The following IGFL2 variants were observed in gnomAD, a reference collection of about 807,000 sequenced individuals.
IGFL2 encodes insulin growth factor-like family member 2.
A neutral mutation model predicts 13.9 loss-of-function variants in IGFL2; 7 were observed. The observed-to-expected ratio is 0.51, with a 90% confidence interval of 0.29 to 0.95. The LOEUF is 0.95. Ranked by LOEUF, IGFL2 falls within the 40% of genes least tolerant of loss-of-function variation. IGFL2 has a pLI of 0.08. For missense variants in IGFL2, 138 were observed against 147.8 expected (o/e 0.93, Z 0.34); for synonymous variants, 55 against 55.8 (o/e 0.99, Z 0.07).
At chr19:46,200,506 T>TTTCTC in the IGFL2 span, among the ~76,000 whole-genome samples, 1 of 147,360 alleles carries the variant, frequency 6.8e-6, no homozygotes, top group Non-Finnish European at 1.5e-5. Context: ...TTTCTTTTCT[T>TTTCTC]TTCTCTTTTC....
chr19:46,124,069 T>C, the IGFL2 span: 1 of 1,611,566 alleles, frequency 6.2e-7, no homozygotes, highest in Non-Finnish European at 8.5e-7. Context: ...GGCATCATCA[T>C]AACAGCACTG....
chr19:46,117,628 G>A, the IGFL2 span, among the ~76,000 whole-genome samples: 2 of 152,088 alleles, frequency 1.3e-5, no homozygotes, highest in African/African-American at 4.8e-5. Context: ...ACATGCATGT[G>A]CCATCAAGCC....
At chr19:46,095,277 C>G in the IGFL2 span, among the ~76,000 whole-genome samples, 4 of 152,156 alleles carry the variant, frequency 2.6e-5, no homozygotes, top group Non-Finnish European at 5.9e-5. Context: ...CTCTAATGAT[C>G]AGTGATGTTG....
chr19:46,197,565 G>C, the IGFL2 span, among the ~76,000 whole-genome samples: 1 of 152,096 alleles, frequency 6.6e-6, no homozygotes, highest in African/African-American at 2.4e-5. Flanking sequence ...TCTGTCTTCA[G>C]TGTCAGCTCA....
the IGFL2 span, among the ~76,000 whole-genome samples, chr19:46,173,081 G>A: frequency 2.6e-5 from 4 of 152,348 alleles, no homozygotes; most frequent in South Asian, 6.2e-4. Flanking sequence ...TCTTTGGGTT[G>A]TAAAATGAAT....
At chr19:46,123,348 C>G in the IGFL2 span, among the ~76,000 whole-genome samples, 6 of 150,658 alleles carry the variant, frequency 4.0e-5, no homozygotes, top group Non-Finnish European at 7.4e-5. Context: ...CTGACATTAA[C>G]TAATAAAAAT....
At chr19:46,125,398 G>T in the IGFL2 span, among the ~76,000 whole-genome samples, 1 of 152,204 alleles carries the variant, frequency 6.6e-6, no homozygotes, top group Non-Finnish European at 1.5e-5. Flanking sequence ...ACTTAGGAGT[G>T]TGTAGTACTT....
the IGFL2 span, among the ~76,000 whole-genome samples, chr19:46,186,950 C>T: frequency 1.2e-4 from 18 of 152,142 alleles, no homozygotes; most frequent in African/African-American, 3.6e-4. Flanking sequence ...TCAGATCACA[C>T]GATTATAAAA....
chr19:46,173,172 G>A, the IGFL2 span, among the ~76,000 whole-genome samples: 1 of 152,142 alleles, frequency 6.6e-6, no homozygotes, highest in African/African-American at 2.4e-5. Context: ...GCTTATTTTT[G>A]AATGGGGTGG....
At chr19:46,201,631 C>T in the IGFL2 span, among the ~76,000 whole-genome samples, 1 of 152,140 alleles carries the variant, frequency 6.6e-6, no homozygotes, top group African/African-American at 2.4e-5. Flanking sequence ...GTGTCCTCTG[C>T]AGCACGTCGG....
the IGFL2 span, among the ~76,000 whole-genome samples, chr19:46,091,341 A>G: frequency 6.6e-6 from 1 of 152,242 alleles, no homozygotes; most frequent in South Asian, 2.1e-4. Flanking sequence ...AAGTGGGGAT[A>G]TTTATGAAAG....
chr19:46,115,933 C>T, the IGFL2 span, among the ~76,000 whole-genome samples: 1 of 152,288 alleles, frequency 6.6e-6, no homozygotes, highest in Admixed American at 6.5e-5. Flanking sequence ...GGCTCGCCGG[C>T]TGACAGCTTC....
chr19:46,157,674 A>T (rs944570833), intron 1 of IGFL2, among the ~76,000 whole-genome samples: 1 of 152,208 alleles, frequency 6.6e-6, no homozygotes, highest in Non-Finnish European at 1.5e-5. Context: ...CAACTAATAT[A>T]ATAAGTAATG....
chr19:46,198,127 T>A, the IGFL2 span: 1 of 150,048 alleles, frequency 6.7e-6, no homozygotes, highest in Non-Finnish European at 1.5e-5. Context: ...TTCTTTTTTG[T>A]TTTTCAGGGT....
chr19:46,108,986 G>A, the IGFL2 span, among the ~76,000 whole-genome samples: 10 of 152,226 alleles, frequency 6.6e-5, no homozygotes, highest in African/African-American at 2.4e-4. Context: ...TTGGTCTGAG[G>A]ACCCAAGATG....
chr19:46,115,826 C>T, the IGFL2 span, among the ~76,000 whole-genome samples: 1 of 152,086 alleles, frequency 6.6e-6, no homozygotes, highest in Non-Finnish European at 1.5e-5. Flanking sequence ...CAGCAAAAAG[C>T]GTTGGAATTT....
chr19:46,154,833 A>G (rs1325038456), intron 1 of IGFL2, among the ~76,000 whole-genome samples: 1 of 152,024 alleles, frequency 6.6e-6, no homozygotes, highest in Non-Finnish European at 1.5e-5. Context: ...ATATTTTTGT[A>G]CGGTGTTCTT....
chr19:46,134,172 T>G, the IGFL2 span, among the ~76,000 whole-genome samples: 1 of 152,204 alleles, frequency 6.6e-6, no homozygotes, highest in East Asian at 1.9e-4. Flanking sequence ...TTGTTCAACA[T>G]TCTTTCTGGA....
chr19:46,144,543 T>G (rs1339509028), upstream of IGFL2, among the ~76,000 whole-genome samples: 2 of 152,208 alleles, frequency 1.3e-5, no homozygotes, highest in Non-Finnish European at 2.9e-5. Flanking sequence ...TAAACAAAAT[T>G]AAACCCCTTA....
Sources: allele counts gnomAD v4.1 joint callset (sites outside exome capture counted in the v4.1 genomes callset), GRCh38; gene constraint gnomAD v4.1.1; transcripts MANE v1.5; gene names NCBI Gene and HGNC (gene_info 2026-07-23, HGNC 2026-07-21).